PTGER3: variants seen among roughly 807,000 people sequenced by gnomAD.
PTGER3 encodes prostaglandin E receptor 3, also known as prostaglandin E2 receptor EP3 subtype.
In PTGER3, 22 loss-of-function variants were observed where a neutral mutation model predicts 34.7. The ratio of observed to expected loss-of-function variants is 0.63; its 90% CI spans 0.45 to 0.91. The LOEUF is 0.91. Ranked by LOEUF, PTGER3 falls within the 40% of genes least tolerant of loss-of-function variation. PTGER3 has a pLI of 0.00. For missense variants in PTGER3, 468 were observed against 519.4 expected (o/e 0.90, Z 0.96); for synonymous variants, 241 against 230.1 (o/e 1.05, Z -0.43).
At chr1:71,011,931 G>C in intron 2 of PTGER3, 5 of 1,217,916 alleles carry the variant, frequency 4.1e-6, no homozygotes, top group Non-Finnish European at 5.1e-6. Flanking sequence ...AATAGACCAA[G>C]ATCATTTATA....
chr1:71,011,253 A>T (rs753828276), intron 2 of PTGER3: 12 of 985,356 alleles, frequency 1.2e-5, no homozygotes, highest in Non-Finnish European at 1.4e-5. Context: ...AAGAGCTGTG[A>T]AGGGTCAATG....
At chr1:70,942,516 G>T (rs533527865) in intron 4 of PTGER3, among the ~76,000 whole-genome samples, 2 of 152,174 alleles carry the variant, frequency 1.3e-5, no homozygotes, top group South Asian at 2.1e-4. Context: ...GATAAGCAAT[G>T]CTCACTCTTG....
At chr1:70,879,295 G>A (rs184943886) in intron 4 of PTGER3, among the ~76,000 whole-genome samples, 1 of 152,204 alleles carries the variant, frequency 6.6e-6, no homozygotes, top group East Asian at 1.9e-4. Context: ...CACCCAGGCT[G>A]GAGTGCAGTG....
intron 4 of PTGER3, among the ~76,000 whole-genome samples, chr1:70,928,991 T>G (rs890630445): frequency 1.3e-5 from 2 of 152,070 alleles, no homozygotes; most frequent in Non-Finnish European, 2.9e-5. Flanking sequence ...ACAAAATTTC[T>G]GCTTGTTATT....
At chr1:70,996,719 A>G (rs1557725149) in intron 2 of PTGER3, among the ~76,000 whole-genome samples, 1 of 149,470 alleles carries the variant, frequency 6.7e-6, no homozygotes, top group East Asian at 2.0e-4. Context: ...GCTGGAGTGC[A>G]GTGGCGAGAT....
Position 71,047,510 on chromosome 1 carries a change from C to T in PTGER3, c.68G>A (p.Gly23Asp), listed in dbSNP as rs1439460877. ...GGCGGAACGCTCGGGCGCCCACATGCCTGTGTAGGAGTGGTTGAGGCGGGT... is the reference window on the plus strand; with the variant it reads ...GGCGGAACGCTCGGGCGCCCACATGTCTGTGTAGGAGTGGTTGAGGCGGGT... ...FCTRLNHSYT[G>D]MWAPERSAEA... Residue 23 changes from glycine to aspartate, a missense_variant, in exon 1 of 4, where the codon GGC (glycine) becomes GAC (aspartate). Gly to Asp is a moderately conservative substitution (Grantham distance 94). Coordinates refer to ENST00000306666, the MANE Select transcript of PTGER3 (RefSeq NM_198719.2). 2 of 1,602,626 alleles carry T rather than the reference C, an allele frequency of 1.2e-6. No individual in the cohort carries two copies. Among genetic ancestry groups the T allele is most frequent in the South Asian group, 1.1e-5 (1 of 88,970 alleles).
chr1:71,009,869 C>G, intron 2 of PTGER3: 1 of 985,166 alleles, frequency 1.0e-6, no homozygotes, highest in Non-Finnish European at 1.2e-6. Context: ...TTCTAACCAC[C>G]GCTCTAGTCT....
At chr1:71,015,233 C>T (rs1396938701) in intron 1 of PTGER3, among the ~76,000 whole-genome samples, 1 of 152,028 alleles carries the variant, frequency 6.6e-6, no homozygotes, top group South Asian at 2.1e-4. Flanking sequence ...GATATAACCA[C>T]ATATTTGTAG....
At chr1:70,893,019 G>A (rs1246699894) in intron 4 of PTGER3, among the ~76,000 whole-genome samples, 3 of 144,652 alleles carry the variant, frequency 2.1e-5, no homozygotes, top group Non-Finnish European at 4.6e-5. Flanking sequence ...CAGAAACAAT[G>A]TCCAACTAAA....
chr1:70,880,382 CTTTTTTTTT>C (rs57067363), intron 4 of PTGER3, among the ~76,000 whole-genome samples: 1 of 140,358 alleles, frequency 7.1e-6, no homozygotes, highest in Non-Finnish European at 1.6e-5. Context: ...TTTCTTTTTT[CTTTTTTTTT>C]TTTTTAAGAA....
At chr1:70,967,187 T>C (rs917707798), downstream of PTGER3, among the ~76,000 whole-genome samples, 1 of 152,050 alleles carries the variant, frequency 6.6e-6, no homozygotes, top group Non-Finnish European at 1.5e-5. Flanking sequence ...AAAAAAGAAA[T>C]GTAAATAGAG....
chr1:71,010,959 G>A (rs946202436), intron 2 of PTGER3: 1 of 985,476 alleles, frequency 1.0e-6, no homozygotes, highest in Non-Finnish European at 1.2e-6. Context: ...AACTAGAAAA[G>A]CAGTGCAAGA....
intron 4 of PTGER3, among the ~76,000 whole-genome samples, chr1:70,855,990 C>T (rs903912571): frequency 5.9e-5 from 9 of 151,694 alleles, no homozygotes; most frequent in Admixed American, 5.3e-4. Flanking sequence ...AGGATTTTCA[C>T]GGTAGATTAA....
chr1:70,861,569 T>C (rs1645927899), intron 4 of PTGER3, among the ~76,000 whole-genome samples: 2 of 152,156 alleles, frequency 1.3e-5, no homozygotes, highest in African/African-American at 4.8e-5. Context: ...TTTTACTCCA[T>C]AAATTTGCAC....
chr1:70,890,248 T>C (rs1209967683), intron 4 of PTGER3, among the ~76,000 whole-genome samples: 1 of 152,190 alleles, frequency 6.6e-6, no homozygotes, highest in Non-Finnish European at 1.5e-5. Context: ...CAGGACTCTA[T>C]ATCATTTTCT....
chr1:70,893,234 G>T (rs1646657275), intron 4 of PTGER3, among the ~76,000 whole-genome samples: 1 of 152,144 alleles, frequency 6.6e-6, no homozygotes, highest in African/African-American at 2.4e-5. Context: ...TCCATGTGGG[G>T]TAGATACTGG....
chr1:70,921,453 A>T (rs1647514600), intron 4 of PTGER3, among the ~76,000 whole-genome samples: 1 of 152,124 alleles, frequency 6.6e-6, no homozygotes, highest in Non-Finnish European at 1.5e-5. Context: ...TAAAGTTTTA[A>T]TTAATGGAAA....
At chr1:70,932,932 C>G (rs1648856549) in intron 4 of PTGER3, among the ~76,000 whole-genome samples, 1 of 152,164 alleles carries the variant, frequency 6.6e-6, no homozygotes, top group African/African-American at 2.4e-5. Context: ...CACACGAACA[C>G]ACACATACAC....
rs111441552 is a variant in PTGER3 at position 70,964,891 on chromosome 1, A to G, written c.1078-11102T>C. On this transcript the variant is annotated intron_variant, in intron 2 of 3. Coordinates refer to the PTGER3 transcript ENST00000356595. ...CTCTATGCCATACACCGTGATAGACACACCAGACGTGGAAGTGAGAAATAT... is the reference window on the plus strand; with the variant it reads ...CTCTATGCCATACACCGTGATAGACGCACCAGACGTGGAAGTGAGAAATAT... 4.6e-3 allele frequency among the ~76,000 whole-genome samples: 702 copies of G among 152,354 alleles called. 13 individuals are homozygous for G. The highest frequency in any genetic ancestry group is 0.016 in the African/African-American group (662 of 41,566).
Sources: allele counts gnomAD v4.1 joint callset (sites outside exome capture counted in the v4.1 genomes callset), GRCh38; gene constraint gnomAD v4.1.1; transcripts MANE v1.5; gene names NCBI Gene and HGNC (gene_info 2026-07-23, HGNC 2026-07-21).